The following SRGAP3 variants were observed in gnomAD, a reference collection of about 807,000 sequenced individuals.
SRGAP3 encodes the protein SLIT-ROBO Rho GTPase-activating protein 3.
Under a neutral mutation model 121.1 loss-of-function variants are expected in SRGAP3, and 39 were observed. The ratio of observed to expected loss-of-function variants is 0.32; its 90% CI spans 0.25 to 0.42. The LOEUF is 0.42. Ranked by LOEUF, SRGAP3 falls within the 10% of genes least tolerant of loss-of-function variation. SRGAP3 has a pLI of 1.00. For missense variants in SRGAP3, 1,213 were observed against 1,470.6 expected (o/e 0.82, Z 2.86); for synonymous variants, 601 against 570.0 (o/e 1.05, Z -0.77).
At chr3:9,152,969 G>C (rs1950264249) in intron 1 of SRGAP3, among the ~76,000 whole-genome samples, 1 of 152,194 alleles carries the variant, frequency 6.6e-6, no homozygotes, top group Non-Finnish European at 1.5e-5. Context: ...GCTCTGCCCA[G>C]TCCTGCTGCC....
chr3:9,149,372 A>T lies in SRGAP3; in HGVS notation c.68-24455T>A, dbSNP rs1231767391. Among the ~76,000 whole-genome samples, 6 of 152,120 alleles carry T rather than the reference A, an allele frequency of 3.9e-5. No individual in the cohort carries two copies. In the East Asian group the frequency reaches 1.2e-3, roughly 29 times the overall value. On this transcript the variant is annotated intron_variant, in intron 1 of 21. Transcript: ENST00000383836. ...CCTAAGCTATGACCCAGGACTTTTG[A>T]TGTCCCATGAGGCAGGTTAATTGCA...
chr3:9,044,150 T>C (rs1945143778), intron 10 of SRGAP3, among the ~76,000 whole-genome samples: 1 of 152,206 alleles, frequency 6.6e-6, no homozygotes, highest in Non-Finnish European at 1.5e-5. Flanking sequence ...TAAGTAAAGC[T>C]GACCCAAAAG....
intron 3 of SRGAP3, among the ~76,000 whole-genome samples, chr3:9,259,120 T>C (rs1254968064): frequency 6.6e-6 from 1 of 152,106 alleles, no homozygotes; most frequent in African/African-American, 2.4e-5. Flanking sequence ...TTCATTCAGA[T>C]CCTCCCCGGG....
intron 3 of SRGAP3, among the ~76,000 whole-genome samples, chr3:9,314,988 T>C (rs896675401): frequency 6.6e-6 from 1 of 152,166 alleles, no homozygotes; most frequent in Non-Finnish European, 1.5e-5. Context: ...GCCTCTTCCA[T>C]TGAAAGTAAC....
chr3:9,215,725 C>A (rs1162433), intron 1 of SRGAP3, among the ~76,000 whole-genome samples: 48,018 of 152,094 alleles, frequency 0.32, 8,092 homozygotes, highest in African/African-American at 0.41. Flanking sequence ...GGAGCTGGGG[C>A]ATCCTTCTTC....
At chr3:9,057,834 C>G (rs1945901230) in intron 7 of SRGAP3, among the ~76,000 whole-genome samples, 2 of 152,230 alleles carry the variant, frequency 1.3e-5, no homozygotes, top group Non-Finnish European at 2.9e-5. Flanking sequence ...ACTCGATCGT[C>G]TGGTGTATCA....
At chr3:9,078,117 G>A (rs1377372871) in intron 4 of SRGAP3, among the ~76,000 whole-genome samples, 2 of 152,174 alleles carry the variant, frequency 1.3e-5, no homozygotes, top group East Asian at 3.9e-4. Context: ...TGAAAAATGA[G>A]CATGACACTA....
At chr3:9,201,288 T>C (rs1476669069) in intron 1 of SRGAP3, among the ~76,000 whole-genome samples, 3 of 152,156 alleles carry the variant, frequency 2.0e-5, no homozygotes, top group African/African-American at 7.2e-5. Context: ...GAAAAGGGAC[T>C]GTAAGCTCCT....
chr3:9,241,889 T>C (rs1953651931), intron 1 of SRGAP3, among the ~76,000 whole-genome samples: 1 of 151,182 alleles, frequency 6.6e-6, no homozygotes, highest in Non-Finnish European at 1.5e-5. Context: ...CAAGCCTGGG[T>C]AACATGGTGA....
upstream of SRGAP3, among the ~76,000 whole-genome samples, chr3:9,252,577 T>G (rs1277351816): frequency 6.6e-6 from 1 of 151,956 alleles, no homozygotes; most frequent in Non-Finnish European, 1.5e-5. Context: ...GAGGAAAAGG[T>G]CTGTGTCCCC....
At chr3:9,122,300 G>C (rs1050119099) in intron 2 of SRGAP3, among the ~76,000 whole-genome samples, 1 of 152,058 alleles carries the variant, frequency 6.6e-6, no homozygotes, top group Admixed American at 6.5e-5. Flanking sequence ...TTTGTTGTTT[G>C]AAAAAACACA....
At chr3:9,024,723 T>C (rs1008182598) in intron 14 of SRGAP3, among the ~76,000 whole-genome samples, 1 of 152,246 alleles carries the variant, frequency 6.6e-6, no homozygotes, top group Non-Finnish European at 1.5e-5. Context: ...CCCCGCAATG[T>C]GTGGCTTGCC....
Position 9,015,447 on chromosome 3 carries a change from G to T in SRGAP3, c.1813+150C>A. ...TAGCCCTTTCATTATAAACCATCTT[G>T]TTATTTCCGCTTTCAGTTCTACGAG... On this transcript the variant is annotated intron_variant, in intron 15 of 21. Coordinates refer to ENST00000383836, the MANE Select transcript of SRGAP3 (RefSeq NM_014850.4). The T allele has an allele frequency of 3.9e-6, 4 of 1,034,202 alleles. No individual in the cohort carries two copies. In the South Asian group the frequency reaches 5.8e-5, roughly 15 times the overall value. 64.1% of individuals were successfully genotyped at this position (1,034,202 alleles called of 1,614,324 possible). A position where few individuals can be genotyped will look rare whatever the true frequency, so the allele number is the denominator to read the frequency against.
chr3:9,005,790 G>A lies in SRGAP3; in HGVS notation c.2227+4518C>T, dbSNP rs112978823. ...GGGGGTAGGGATGGGAGGGCGTAAG[G>A]AGTGATAGCTAAAGGGTACAGGGCT... On this transcript the variant is annotated intron_variant, in intron 18 of 21. Transcript: ENST00000383836. Among the ~76,000 whole-genome samples, 532 of 152,256 alleles carry A rather than the reference G, an allele frequency of 3.5e-3. 5 individuals carry two copies. Among genetic ancestry groups the A allele is most frequent in the African/African-American group, 0.012 (511 of 41,532 alleles).
chr3:9,044,449 A>C (rs1945162154), intron 10 of SRGAP3, among the ~76,000 whole-genome samples: 1 of 152,244 alleles, frequency 6.6e-6, no homozygotes, highest in South Asian at 2.1e-4. Context: ...CTCAGCAAAG[A>C]AATTTGCTCA....
chr3:9,121,825 A>G (rs988734757), intron 2 of SRGAP3, among the ~76,000 whole-genome samples: 8 of 152,192 alleles, frequency 5.3e-5, no homozygotes, highest in Non-Finnish European at 8.8e-5. Context: ...GCCCTACCAC[A>G]TGGCCCTGTC....
chr3:9,261,677 C>A (rs1390915466), intron 3 of SRGAP3, among the ~76,000 whole-genome samples: 1 of 151,378 alleles, frequency 6.6e-6, no homozygotes, highest in Non-Finnish European at 1.5e-5. Context: ...ACGAATAAAG[C>A]CCCCAAGAAA....
At chr3:9,084,320 G>C (rs1458817116) in intron 3 of SRGAP3, among the ~76,000 whole-genome samples, 2 of 152,168 alleles carry the variant, frequency 1.3e-5, no homozygotes, top group Non-Finnish European at 2.9e-5. Context: ...GTGGATTCTG[G>C]TGTGTGTTAT....
At chr3:9,098,050 G>A (rs917232001) in intron 3 of SRGAP3, among the ~76,000 whole-genome samples, 1 of 152,036 alleles carries the variant, frequency 6.6e-6, no homozygotes, top group Non-Finnish European at 1.5e-5. Context: ...CTAATTATTT[G>A]AGGCTCGCTT....
Sources: allele counts gnomAD v4.1 joint callset (sites outside exome capture counted in the v4.1 genomes callset), GRCh38; gene constraint gnomAD v4.1.1; transcripts MANE v1.5; gene names NCBI Gene and HGNC (gene_info 2026-07-23, HGNC 2026-07-21).